NEK1: variants seen among roughly 807,000 people sequenced by gnomAD.
The protein encoded by NEK1 is serine/threonine-protein kinase Nek1.
In NEK1, 137 loss-of-function variants were observed where a neutral mutation model predicts 182.1. The ratio of observed to expected loss-of-function variants is 0.75; its 90% CI spans 0.65 to 0.87. NEK1 has a LOEUF of 0.87. Among genes scored for constraint, NEK1 ranks in the 40% least tolerant of loss-of-function variants. The pLI is 0.00. For missense variants in NEK1, 1,391 were observed against 1,494.4 expected, an observed-to-expected ratio of 0.93 and a Z score of 1.14; for synonymous variants, 513 against 492.2, an observed-to-expected ratio of 1.04 and a Z score of -0.56.
chr4:169,599,287 AGCTGCTG>A, intron 4 of NEK1, 90 bp from the exon 5 acceptor site: 1 of 927,614 alleles, frequency 1.1e-6, no homozygotes, highest in Admixed American at 2.6e-5. Context: ...ACTAAAAAGC[AGCTGCTG>A]AACAAAAAAC....
intron 27 of NEK1, among the ~76,000 whole-genome samples, chr4:169,442,177 C>T (rs1739587627): frequency 6.6e-6 from 1 of 152,182 alleles, no homozygotes. Context: ...AGTGCCTGAA[C>T]ACCATCTGGG....
At chr4:169,550,970 G>C (rs1368521399) in intron 18 of NEK1, among the ~76,000 whole-genome samples, 3 of 152,150 alleles carry the variant, frequency 2.0e-5, no homozygotes, top group Non-Finnish European at 4.4e-5. Flanking sequence ...ATACATTTTA[G>C]CAAGTAGGTA....
At chr4:169,595,698 C>G (rs1427297975) in intron 5 of NEK1, among the ~76,000 whole-genome samples, 4 of 151,766 alleles carry the variant, frequency 2.6e-5, no homozygotes, top group Non-Finnish European at 4.4e-5. Flanking sequence ...CAGAGGCGGG[C>G]GGATCACGAG....
intron 23 of NEK1, among the ~76,000 whole-genome samples, chr4:169,486,887 T>G (rs1321243480): frequency 6.6e-6 from 1 of 152,226 alleles, no homozygotes; most frequent in Non-Finnish European, 1.5e-5. Context: ...TATTTTTCAC[T>G]GAATTTTAAT....
chr4:169,578,257 G>A (rs1291623663), intron 11 of NEK1, among the ~76,000 whole-genome samples: 1 of 152,068 alleles, frequency 6.6e-6, no homozygotes, highest in Non-Finnish European at 1.5e-5. Flanking sequence ...TCAGAGTAGA[G>A]TCTACATAAA....
intron 26 of NEK1, 133 bp from the exon 27 acceptor site, chr4:169,463,528 G>A: frequency 4.3e-6 from 2 of 468,062 alleles, no homozygotes; most frequent in South Asian, 7.8e-5. Flanking sequence ...AGACTTTCAG[G>A]GAAAGAATGA....
chr4:169,482,572 G>A (rs889258628), intron 23 of NEK1, among the ~76,000 whole-genome samples: 4 of 151,032 alleles, frequency 2.6e-5, no homozygotes, highest in African/African-American at 9.8e-5. Context: ...TCAGTCTCCC[G>A]AGTTGCTGAG....
intron 26 of NEK1, among the ~76,000 whole-genome samples, chr4:169,474,594 G>A (rs1476025272): frequency 6.6e-6 from 1 of 152,052 alleles, no homozygotes; most frequent in Non-Finnish European, 1.5e-5. Context: ...CTTCTCTGAC[G>A]AATCCAGTGT....
intron 23 of NEK1, among the ~76,000 whole-genome samples, chr4:169,497,450 T>C (rs1751551096): frequency 1.3e-5 from 2 of 152,200 alleles, no homozygotes; most frequent in South Asian, 4.1e-4. Context: ...CTGCTAGCTT[T>C]TGAATGTGTT....
intron 27 of NEK1, among the ~76,000 whole-genome samples, chr4:169,440,021 T>C (rs1161642756): frequency 1.3e-5 from 2 of 151,854 alleles, no homozygotes; most frequent in Non-Finnish European, 2.9e-5. Flanking sequence ...TAATTTTTTA[T>C]ATTTTTAGTA....
chr4:169,482,604 C>T (rs993533980), intron 23 of NEK1, among the ~76,000 whole-genome samples: 5 of 150,974 alleles, frequency 3.3e-5, no homozygotes, highest in African/African-American at 4.9e-5. Flanking sequence ...CTGGCTGTTT[C>T]GCTTTCTTAT....
chr4:169,545,132 C>A (rs1166878963), intron 18 of NEK1, among the ~76,000 whole-genome samples: 3 of 150,220 alleles, frequency 2.0e-5, no homozygotes, highest in Non-Finnish European at 4.4e-5. Context: ...ATACATGTGC[C>A]ATGCTGGTGC....
intron 23 of NEK1, among the ~76,000 whole-genome samples, chr4:169,502,228 A>G (rs2149672577): frequency 1.3e-5 from 2 of 151,804 alleles, no homozygotes; most frequent in Middle Eastern, 3.4e-3. Flanking sequence ...AATGAGTACA[A>G]AATTGAAACA....
intron 18 of NEK1, among the ~76,000 whole-genome samples, chr4:169,550,280 T>C (rs188001356): frequency 2.0e-4 from 31 of 152,326 alleles, no homozygotes; most frequent in Non-Finnish European, 2.8e-4. Flanking sequence ...CCTTCTACCA[T>C]GATTGTGAGG....
chr4:169,602,774 T>C (rs998555344), intron 2 of NEK1, 96 bp from the exon 3 acceptor site: 13 of 549,180 alleles, frequency 2.4e-5, no homozygotes, highest in South Asian at 1.9e-4. Context: ...CTTTAGTGAT[T>C]TGCTAACATT....
At chr4:169,529,149 A>G (rs555433208) in intron 19 of NEK1, among the ~76,000 whole-genome samples, 19 of 152,306 alleles carry the variant, frequency 1.2e-4, no homozygotes, top group African/African-American at 4.3e-4. Context: ...ATAAAATGCA[A>G]TACCACTATC....
intron 26 of NEK1, among the ~76,000 whole-genome samples, chr4:169,469,685 T>A (rs1424053475): frequency 1.3e-5 from 2 of 152,206 alleles, no homozygotes. Context: ...GTTAATTTTC[T>A]GTCTTGTTGA....
chr4:169,448,265 G>A (rs1740971799), intron 27 of NEK1, among the ~76,000 whole-genome samples: 1 of 152,044 alleles, frequency 6.6e-6, no homozygotes, highest in Non-Finnish European at 1.5e-5. Context: ...AGACAATACA[G>A]TAAGATACAA....
intron 26 of NEK1, among the ~76,000 whole-genome samples, chr4:169,463,791 A>G (rs998771110): frequency 2.1e-4 from 32 of 152,108 alleles, no homozygotes; most frequent in Non-Finnish European, 4.6e-4. Flanking sequence ...AAGTCTAAAC[A>G]TGAAATTCAT....
Sources: allele counts gnomAD v4.1 joint callset (sites outside exome capture counted in the v4.1 genomes callset), GRCh38; gene constraint gnomAD v4.1.1; transcripts MANE v1.5; gene names NCBI Gene and HGNC (gene_info 2026-07-23, HGNC 2026-07-21).